The following PSTPIP2 variants were observed in gnomAD, a reference collection of about 807,000 sequenced individuals.
PSTPIP2 encodes proline-serine-threonine phosphatase-interacting protein 2.
A neutral mutation model predicts 63.3 loss-of-function variants in PSTPIP2; 33 were observed. The ratio of observed to expected loss-of-function variants is 0.52; its 90% CI spans 0.40 to 0.70. PSTPIP2 has a LOEUF of 0.70. Among genes scored for constraint, PSTPIP2 ranks in the 30% least tolerant of loss-of-function variants. The pLI, the probability that PSTPIP2 is intolerant of heterozygous loss-of-function variation, is 0.00. For synonymous variants in PSTPIP2, 125 were observed against 132.7 expected (o/e 0.94, Z 0.40); for missense variants, 312 against 400.7 (o/e 0.78, Z 1.89).
chr18:45,999,761 T>C (rs549364480), intron 6 of PSTPIP2, among the ~76,000 whole-genome samples: 32 of 152,266 alleles, frequency 2.1e-4, no homozygotes, highest in Admixed American at 2.0e-3. Context: ...GGCAACCTGA[T>C]CAAGGAAGTA....
chr18:46,054,345 T>A (rs1428302605), intron 1 of PSTPIP2, among the ~76,000 whole-genome samples: 3 of 152,050 alleles, frequency 2.0e-5, no homozygotes, highest in African/African-American at 7.3e-5. Flanking sequence ...TGCCAGGGGT[T>A]TAAGGAAGAG....
intron 2 of PSTPIP2, among the ~76,000 whole-genome samples, chr18:46,034,237 C>G (rs1447865199): frequency 5.3e-5 from 8 of 152,180 alleles, no homozygotes; most frequent in Admixed American, 1.3e-4. Context: ...AGCTGCTAAT[C>G]TACAAATGGT....
At chr18:46,008,524 C>T (rs2051757476) in intron 5 of PSTPIP2, among the ~76,000 whole-genome samples, 2 of 151,984 alleles carry the variant, frequency 1.3e-5, no homozygotes, top group African/African-American at 4.8e-5. Context: ...GTTGGCCAGG[C>T]TGGTTTCAAA....
intron 1 of PSTPIP2, among the ~76,000 whole-genome samples, chr18:46,069,681 T>C (rs1909322514): frequency 6.6e-6 from 1 of 152,242 alleles, no homozygotes; most frequent in Non-Finnish European, 1.5e-5. Context: ...TTATGAAGTG[T>C]GTATTGACTC....
chr18:46,046,909 G>A (rs1278856362), intron 1 of PSTPIP2, among the ~76,000 whole-genome samples: 1 of 152,266 alleles, frequency 6.6e-6, no homozygotes, highest in Non-Finnish European at 1.5e-5. Context: ...CCTGGGCACA[G>A]GGTGCATAAG....
rs1568208766 is a variant in PSTPIP2 at position 45,992,099 on chromosome 18, C to CA, written c.838+6dup. On this transcript the variant is annotated splice_region_variant and intron_variant, in intron 11 of 14. Transcript: ENST00000409746. ...AATAACACTCCCCACCCCACTGCCC[C>CA]ATTCACCTGGTGGAATCTGTCCAGT... 6.2e-7 allele frequency: 1 copy of CA among 1,604,964 alleles called. No individual in the cohort carries two copies.
chr18:45,990,818 C>T (rs746405700), intron 12 of PSTPIP2, 62 bp from the exon 13 acceptor site: 3 of 1,378,504 alleles, frequency 2.2e-6, no homozygotes, highest in Non-Finnish European at 3.0e-6. Context: ...AATCTTTTTA[C>T]TTCTTGCTAC....
At chr18:46,010,343 C>T (rs767828025) in intron 5 of PSTPIP2, among the ~76,000 whole-genome samples, 5 of 152,202 alleles carry the variant, frequency 3.3e-5, no homozygotes, top group Admixed American at 6.5e-5. Flanking sequence ...CCAAAAGTCA[C>T]GCAGAGCTGT....
rs1323228468 is a variant in PSTPIP2 at position 46,048,016 on chromosome 18, A to G, written c.34-7969T>C. Among the ~76,000 whole-genome samples, 15 of 152,214 alleles carry G rather than the reference A, an allele frequency of 9.9e-5. 1 individual carries two copies. The highest frequency in any genetic ancestry group is 9.8e-4 in the Admixed American group (15 of 15,280). On this transcript the variant is annotated intron_variant, in intron 1 of 14. Coordinates refer to ENST00000409746, the MANE Select transcript of PSTPIP2 (RefSeq NM_024430.4). ...AGATGTCCACATCCTGGTCCCTAGGACCTGTGAATATGCTTCCACACATAG... is the reference window on the plus strand; with the variant it reads ...AGATGTCCACATCCTGGTCCCTAGGGCCTGTGAATATGCTTCCACACATAG...
At chr18:45,997,718 C>A (rs764383202) in intron 9 of PSTPIP2, 31 bp downstream of exon 9, 6 of 1,240,846 alleles carry the variant, frequency 4.8e-6, no homozygotes, top group Non-Finnish European at 6.8e-6. Flanking sequence ...CCCACCCACC[C>A]CAGTCCTGAG....
At chr18:46,053,891 A>G (rs934905222) in intron 1 of PSTPIP2, among the ~76,000 whole-genome samples, 1 of 152,316 alleles carries the variant, frequency 6.6e-6, no homozygotes. Flanking sequence ...TATGACTCCA[A>G]CTACAATCAT....
At chr18:46,021,305 A>T (rs1031126768) in intron 3 of PSTPIP2, among the ~76,000 whole-genome samples, 12 of 152,168 alleles carry the variant, frequency 7.9e-5, no homozygotes, top group African/African-American at 2.9e-4. Context: ...TAAATGTTTA[A>T]GTGACCTATT....
intron 9 of PSTPIP2, among the ~76,000 whole-genome samples, chr18:45,994,594 T>G (rs1490024720): frequency 6.6e-6 from 1 of 152,210 alleles, no homozygotes; most frequent in Non-Finnish European, 1.5e-5. Flanking sequence ...CTTTTAAAAT[T>G]TGCTACATTT....
intron 5 of PSTPIP2, among the ~76,000 whole-genome samples, chr18:46,008,376 T>C (rs2051755281): frequency 6.6e-6 from 1 of 151,704 alleles, no homozygotes; most frequent in Admixed American, 6.6e-5. Flanking sequence ...TGGAGTGCAG[T>C]GGCGTGATCT....
At chr18:46,051,579 A>C (rs767706809) in intron 1 of PSTPIP2, among the ~76,000 whole-genome samples, 3 of 152,212 alleles carry the variant, frequency 2.0e-5, no homozygotes, top group African/African-American at 4.8e-5. Flanking sequence ...TGGAAACTTA[A>C]CATAGAAGGC....
chr18:46,007,794 C>T (rs1221735960), intron 5 of PSTPIP2, among the ~76,000 whole-genome samples: 1 of 152,210 alleles, frequency 6.6e-6, no homozygotes, highest in Non-Finnish European at 1.5e-5. Context: ...TCATTCCTGT[C>T]TCTGCCTTCA....
intron 4 of PSTPIP2, among the ~76,000 whole-genome samples, chr18:46,012,273 A>G (rs1188623357): frequency 6.6e-6 from 1 of 152,170 alleles, no homozygotes; most frequent in Non-Finnish European, 1.5e-5. Context: ...TGTTGGGGAA[A>G]AAAAAAACAG....
At chr18:46,012,206 C>A (rs1489697552) in intron 4 of PSTPIP2, among the ~76,000 whole-genome samples, 3 of 151,426 alleles carry the variant, frequency 2.0e-5, no homozygotes, top group African/African-American at 4.9e-5. Context: ...TTCAGTTGGG[C>A]AAAATTTTTA....
At chr18:46,072,126 C>G (rs998034353) in intron 1 of PSTPIP2, 30 bp downstream of exon 1, 32 of 1,527,486 alleles carry the variant, frequency 2.1e-5, no homozygotes, top group Non-Finnish European at 2.6e-5. Flanking sequence ...GTCCTGAGCC[C>G]CGCGATCCGC....
Sources: allele counts gnomAD v4.1 joint callset (sites outside exome capture counted in the v4.1 genomes callset), GRCh38; gene constraint gnomAD v4.1.1; transcripts MANE v1.5; gene names NCBI Gene and HGNC (gene_info 2026-07-23, HGNC 2026-07-21).